The following KCNK10 variants were observed in gnomAD, a reference collection of about 807,000 sequenced individuals.
The protein encoded by KCNK10 is potassium two pore domain channel subfamily K member 10, also known as potassium channel subfamily K member 10.
In KCNK10, 25 loss-of-function variants were observed where a neutral mutation model predicts 47.7. That is an observed-to-expected ratio of 0.52 (90% CI 0.38 to 0.73). The LOEUF is 0.73. KCNK10 is among the 30% of genes least tolerant of loss of function. The pLI is 0.00. For synonymous variants in KCNK10, 303 were observed against 285.6 expected, an observed-to-expected ratio of 1.06 and a Z score of -0.61; for missense variants, 563 against 714.5, an observed-to-expected ratio of 0.79 and a Z score of 2.42.
chr14:88,200,834 C>G (rs1207430719), intron 4 of KCNK10, among the ~76,000 whole-genome samples: 1 of 152,138 alleles, frequency 6.6e-6, no homozygotes, highest in Non-Finnish European at 1.5e-5. Flanking sequence ...AAGCATTAAA[C>G]AGTCATGCAA....
chr14:88,299,142 C>G (rs1042289262), intron 1 of KCNK10, among the ~76,000 whole-genome samples: 11 of 152,210 alleles, frequency 7.2e-5, no homozygotes, highest in African/African-American at 2.7e-4. Flanking sequence ...ACTTTGGTTT[C>G]TGGTTTAACA....
At chr14:88,269,649 C>T (rs1257898235) in intron 1 of KCNK10, among the ~76,000 whole-genome samples, 2 of 152,184 alleles carry the variant, frequency 1.3e-5, no homozygotes, top group African/African-American at 4.8e-5. Context: ...ATTGTCCAGG[C>T]TGGTCTCAAA....
intron 4 of KCNK10, among the ~76,000 whole-genome samples, chr14:88,197,572 TAAAAAAAAAAAAAAAAAAAAAAAAA>T (rs71417717): frequency 4.7e-4 from 8 of 17,158 alleles, no homozygotes; most frequent in Non-Finnish European, 1.1e-3. Context: ...AGACTCCGAC[TAAAAAAAAAAAAAAAAAAAAAAAAA>T]AAAAAAAAAA....
At chr14:88,208,254 A>T (rs1885343975) in intron 4 of KCNK10, among the ~76,000 whole-genome samples, 1 of 152,214 alleles carries the variant, frequency 6.6e-6, no homozygotes, top group Admixed American at 6.5e-5. Context: ...AATAGAAAGG[A>T]GAAGAGAAGC....
intron 5 of KCNK10, 26 bp downstream of exon 5, chr14:88,192,198 G>C: frequency 1.3e-6 from 2 of 1,584,178 alleles, no homozygotes; most frequent in Non-Finnish European, 1.7e-6. Context: ...CAGAGCCCCA[G>C]TGCCTGGCCT....
intron 2 of KCNK10, among the ~76,000 whole-genome samples, chr14:88,254,633 A>G (rs866778985): frequency 1.1e-4 from 17 of 152,184 alleles, no homozygotes; most frequent in African/African-American, 3.1e-4. Flanking sequence ...GGAATGTTTT[A>G]TGGCTTTCTC....
At chr14:88,303,549 A>G (rs951548974) in intron 1 of KCNK10, among the ~76,000 whole-genome samples, 1 of 152,056 alleles carries the variant, frequency 6.6e-6, no homozygotes, top group African/African-American at 2.4e-5. Flanking sequence ...ATGACACGGA[A>G]GCCCATGTAT....
At chr14:88,317,866 TA>T (rs145533276) in intron 1 of KCNK10, among the ~76,000 whole-genome samples, 2 of 151,744 alleles carry the variant, frequency 1.3e-5, no homozygotes, top group Admixed American at 6.6e-5. Flanking sequence ...GTGTAGCATT[TA>T]AAAAAAAATC....
At chr14:88,270,658 A>C in intron 1 of KCNK10, 2 of 777,956 alleles carry the variant, frequency 2.6e-6, no homozygotes, top group East Asian at 4.9e-5. Context: ...TGGGGGGAAG[A>C]GGGAGCTAGA....
At chr14:88,325,978 T>C (rs897780260), upstream of KCNK10, among the ~76,000 whole-genome samples, 4 of 151,960 alleles carry the variant, frequency 2.6e-5, no homozygotes, top group African/African-American at 9.7e-5. Context: ...GTAGACTCTA[T>C]TAGGGCAGGG....
chr14:88,206,380 C>T (rs1331145154), intron 4 of KCNK10, among the ~76,000 whole-genome samples: 2 of 152,216 alleles, frequency 1.3e-5, no homozygotes, highest in African/African-American at 2.4e-5. Context: ...CCACATTTAG[C>T]ATGAGCTTTG....
At chr14:88,270,590 G>T in intron 1 of KCNK10, 1 of 705,692 alleles carries the variant, frequency 1.4e-6, no homozygotes, top group Non-Finnish European at 2.6e-6. Context: ...AAGAGATCAA[G>T]CTATGATGAA....
At chr14:88,242,567 C>T (rs960060181) in intron 2 of KCNK10, among the ~76,000 whole-genome samples, 4 of 152,106 alleles carry the variant, frequency 2.6e-5, no homozygotes, top group African/African-American at 7.2e-5. Flanking sequence ...AGACCGCAGC[C>T]GGCCACTGTT....
At position 88,282,021 on chromosome 14, in the gene KCNK10, G is replaced by A. The variant is rs1367768914; in HGVS notation, c.53-18470C>T. Among the ~76,000 whole-genome samples, 3 of 151,868 alleles carry A rather than the reference G, an allele frequency of 2.0e-5. No homozygotes were observed. In the East Asian group the frequency reaches 5.8e-4, roughly 29 times the overall value. On this transcript the variant is annotated intron_variant, in intron 1 of 6. Coordinates refer to ENST00000319231, the MANE Select transcript of KCNK10 (RefSeq NM_138317.3). ...CCCCACTAGATTATCAACTCCCTGAGGGCAGAAACCCTGCTCATTTGGTTC... is the reference window on the plus strand; with the variant it reads ...CCCCACTAGATTATCAACTCCCTGAAGGCAGAAACCCTGCTCATTTGGTTC...
intron 4 of KCNK10, among the ~76,000 whole-genome samples, chr14:88,226,174 A>G (rs538005340): frequency 6.6e-6 from 1 of 152,350 alleles, no homozygotes; most frequent in South Asian, 2.1e-4. Flanking sequence ...AGTAGATTCA[A>G]ATTCTATCCC....
chr14:88,212,802 T>C (rs1442157945), intron 4 of KCNK10, among the ~76,000 whole-genome samples: 5 of 152,220 alleles, frequency 3.3e-5, no homozygotes, highest in African/African-American at 7.2e-5. Flanking sequence ...TACAAAGCAA[T>C]GCATTCTCCC....
chr14:88,222,208 G>A (rs1885836638), intron 4 of KCNK10, among the ~76,000 whole-genome samples: 1 of 152,166 alleles, frequency 6.6e-6, no homozygotes, highest in Non-Finnish European at 1.5e-5. Flanking sequence ...TCACTATCAT[G>A]AGAATAGCAC....
At chr14:88,255,833 G>C (rs989929181) in intron 2 of KCNK10, among the ~76,000 whole-genome samples, 1 of 152,076 alleles carries the variant, frequency 6.6e-6, no homozygotes, top group Non-Finnish European at 1.5e-5. Context: ...GCACTCCAGT[G>C]TGGGTAAGAG....
At chr14:88,198,636 A>G (rs528115989) in intron 4 of KCNK10, among the ~76,000 whole-genome samples, 4 of 152,112 alleles carry the variant, frequency 2.6e-5, no homozygotes, top group East Asian at 1.9e-4. Flanking sequence ...ATAAATGCTC[A>G]TTTTCCGCCC....
Sources: allele counts gnomAD v4.1 joint callset (sites outside exome capture counted in the v4.1 genomes callset), GRCh38; gene constraint gnomAD v4.1.1; transcripts MANE v1.5; gene names NCBI Gene and HGNC (gene_info 2026-07-23, HGNC 2026-07-21).